Variants in DENND2C observed in about 807,000 individuals in gnomAD.
DENND2C encodes DENN domain containing 2C.
In DENND2C, 72 loss-of-function variants were observed where a neutral mutation model predicts 112.4. The observed-to-expected ratio is 0.64, with a 90% CI of 0.53 to 0.78. The LOEUF (loss-of-function observed/expected upper bound fraction) is 0.78. Ranked by LOEUF, DENND2C falls within the 30% of genes least tolerant of loss-of-function variation. DENND2C has a pLI of 0.00. For synonymous variants in DENND2C, 329 were observed against 381.6 expected (o/e 0.86, Z 1.61); for missense variants, 992 against 1,113.8 (o/e 0.89, Z 1.56).
At chr1:114,601,868 G>C (rs1328940313) in intron 12 of DENND2C, among the ~76,000 whole-genome samples, 1 of 152,156 alleles carries the variant, frequency 6.6e-6, no homozygotes, top group African/African-American at 2.4e-5. Flanking sequence ...AATATATCCA[G>C]ACTGAGATTC....
At chr1:114,619,939 G>A (rs558789557) in intron 7 of DENND2C, among the ~76,000 whole-genome samples, 1 of 152,288 alleles carries the variant, frequency 6.6e-6, no homozygotes, top group African/African-American at 2.4e-5. Flanking sequence ...CCTAAGAAAT[G>A]ACGGAAATCA....
At chr1:114,592,695 G>C (rs1655228010) in intron 18 of DENND2C, among the ~76,000 whole-genome samples, 1 of 152,030 alleles carries the variant, frequency 6.6e-6, no homozygotes, top group East Asian at 1.9e-4. Flanking sequence ...ACTCCAACCT[G>C]GGTGACAAAG....
chr1:114,626,510 CTT>C (rs11412901), intron 3 of DENND2C, among the ~76,000 whole-genome samples: 10 of 122,854 alleles, frequency 8.1e-5, no homozygotes, highest in Non-Finnish European at 8.3e-5. Flanking sequence ...TAAATTAATT[CTT>C]TTTTTTTTTT....
intron 8 of DENND2C, among the ~76,000 whole-genome samples, 186 bp from the exon 9 acceptor site, chr1:114,611,303 G>A (rs1052419153): frequency 1.4e-4 from 22 of 152,190 alleles, no homozygotes; most frequent in African/African-American, 5.3e-4. Flanking sequence ...AAAGCTCAAA[G>A]AGGAAACTCC....
chr1:114,607,491 A>G (rs985712295), intron 10 of DENND2C, among the ~76,000 whole-genome samples: 5 of 152,136 alleles, frequency 3.3e-5, no homozygotes, highest in African/African-American at 1.2e-4. Context: ...GTGAAATTTG[A>G]TTGTTAAATG....
intron 18 of DENND2C, among the ~76,000 whole-genome samples, chr1:114,592,326 T>C (rs1339053787): frequency 2.0e-5 from 3 of 152,210 alleles, no homozygotes; most frequent in Non-Finnish European, 4.4e-5. Context: ...CTATCTTAAT[T>C]ACTATCTTTA....
At chr1:114,646,893 C>G (rs1657003281) in intron 2 of DENND2C, among the ~76,000 whole-genome samples, 1 of 152,122 alleles carries the variant, frequency 6.6e-6, no homozygotes, top group Non-Finnish European at 1.5e-5. Context: ...GGCACGGTAG[C>G]TCATGCCTGT....
intron 7 of DENND2C, among the ~76,000 whole-genome samples, chr1:114,620,106 C>G (rs1042497450): frequency 2.6e-5 from 4 of 152,088 alleles, no homozygotes; most frequent in African/African-American, 9.7e-5. Context: ...GTTTCCCTTC[C>G]AGGGACAGCT....
chr1:114,631,863 C>A (rs1656500640), intron 3 of DENND2C, among the ~76,000 whole-genome samples: 1 of 152,038 alleles, frequency 6.6e-6, no homozygotes, highest in Non-Finnish European at 1.5e-5. Context: ...ATGGAATTGG[C>A]AGACAGGGAC....
At chr1:114,638,226 T>TA (rs915932497) in intron 3 of DENND2C, among the ~76,000 whole-genome samples, 11 of 150,222 alleles carry the variant, frequency 7.3e-5, no homozygotes, top group Non-Finnish European at 8.9e-5. Flanking sequence ...TATCTATCTG[T>TA]AAAAAAAAAT....
chr1:114,585,408 G>C lies in DENND2C; in HGVS notation c.*192C>G. On this transcript the variant is annotated 3_prime_UTR_variant, in exon 21 of 21. Coordinates refer to ENST00000393274, the MANE Select transcript of DENND2C (RefSeq NM_001256404.2). The stretch of plus-strand genomic sequence containing the variant: ...ACAGAGTAAAGATGGCATGGTGCCA[G>C]ACCATTCCCAACAATTCTCCAGTGA... The C allele has an allele frequency of 1.7e-6, 1 of 604,558 alleles. No homozygotes were observed. Among genetic ancestry groups the C allele is most frequent in the East Asian group, 2.8e-5 (1 of 35,774 alleles). The allele number at this position is 604,558 out of a possible 1,614,324, so 37.4% of individuals were successfully genotyped here. A position where few individuals can be genotyped will look rare whatever the true frequency, so the allele number is the denominator to read the frequency against.
At chr1:114,600,475 T>G in intron 14 of DENND2C, 123 bp from the exon 15 acceptor site, 1 of 1,281,904 alleles carries the variant, frequency 7.8e-7, no homozygotes, top group Non-Finnish European at 1.1e-6. Context: ...ACGGGGTCTG[T>G]GAAGCTTCCT....
chr1:114,614,410 G>A (rs891790419), intron 8 of DENND2C, among the ~76,000 whole-genome samples: 2 of 152,110 alleles, frequency 1.3e-5, no homozygotes, highest in African/African-American at 2.4e-5. Context: ...CCAGGAGATC[G>A]TCAGGCATGA....
intron 10 of DENND2C, 81 bp from the exon 11 acceptor site, chr1:114,605,112 G>C (rs1655624441): frequency 6.0e-6 from 6 of 1,001,684 alleles, no homozygotes; most frequent in Non-Finnish European, 8.8e-6. Context: ...CCTTGTCTCA[G>C]GAAAAAAGGT....
intron 3 of DENND2C, among the ~76,000 whole-genome samples, chr1:114,636,983 A>T (rs1276678665): frequency 6.6e-6 from 1 of 151,544 alleles, no homozygotes; most frequent in Non-Finnish European, 1.5e-5. Flanking sequence ...GGTGGCTCAC[A>T]ACTGTAATCC....
intron 20 of DENND2C, 115 bp from the exon 21 acceptor site, chr1:114,585,746 A>G (rs1343158895): frequency 1.9e-6 from 2 of 1,047,450 alleles, no homozygotes; most frequent in Admixed American, 2.1e-5. Flanking sequence ...TTAAGCTGAC[A>G]TCTCAAACTC....
At chr1:114,627,459 G>A (rs1464249602) in intron 3 of DENND2C, among the ~76,000 whole-genome samples, 1 of 152,074 alleles carries the variant, frequency 6.6e-6, no homozygotes, top group Non-Finnish European at 1.5e-5. Context: ...ACACAAAAGT[G>A]TTATTCTTGG....
In DENND2C at chr1:114,601,581, AC is replaced by A; in HGVS notation, c.1741del (p.Val581Ter). 1 of 1,612,278 alleles carries A rather than the reference AC, an allele frequency of 6.2e-7. No individual in the cohort carries two copies. Among genetic ancestry groups the A allele is most frequent in the Non-Finnish European group, 8.5e-7 (1 of 1,179,260 alleles). ...WFGYCKKLLP[V>X]GKGKRLPEVY... is the part of the protein sequence containing the mutation. ...CTCAGGGAGTCGCTTTCCTTTGCCTACTGGCTAAAAGATAAAAACAACAACA... is the reference window on the plus strand; with the variant it reads ...CTCAGGGAGTCGCTTTCCTTTGCCTATGGCTAAAAGATAAAAACAACAACA... On this transcript the variant is annotated frameshift_variant, in exon 13 of 21. Coordinates refer to ENST00000393274, the MANE Select transcript of DENND2C (RefSeq NM_001256404.2). LOFTEE classifies it high-confidence loss of function.
In DENND2C at chr1:114,625,992, A is replaced by G; in HGVS notation, c.-8T>C. The G allele has an allele frequency of 1.3e-6, 2 of 1,598,722 alleles. No homozygotes were observed. The highest frequency in any genetic ancestry group is 1.7e-6 in the Non-Finnish European group (2 of 1,171,996). On this transcript the variant is annotated 5_prime_UTR_variant, in exon 4 of 21. Transcript: ENST00000393274. The stretch of plus-strand genomic sequence containing the variant: ...AGAAAAACCAACATCCATGTTCCCA[A>G]CTGGGTGAATGACAAGTGATGAATC...
Sources: allele counts gnomAD v4.1 joint callset (sites outside exome capture counted in the v4.1 genomes callset), GRCh38; gene constraint gnomAD v4.1.1; transcripts MANE v1.5; gene names NCBI Gene and HGNC (gene_info 2026-07-23, HGNC 2026-07-21).